The following KCND2 variants were observed in gnomAD, a reference collection of about 807,000 sequenced individuals.
KCND2 encodes A-type voltage-gated potassium channel KCND2.
Under a neutral mutation model 54.4 loss-of-function variants are expected in KCND2, and 16 were observed. The observed-to-expected ratio is 0.29, with a 90% CI of 0.20 to 0.45. The LOEUF is 0.45. Ranked by LOEUF, KCND2 falls within the 20% of genes least tolerant of loss-of-function variation. The pLI is 1.00. For missense variants in KCND2, 486 were observed against 824.2 expected, an observed-to-expected ratio of 0.59 and a Z score of 5.02; for synonymous variants, 317 against 310.7, an observed-to-expected ratio of 1.02 and a Z score of -0.21.
intron 1 of KCND2, among the ~76,000 whole-genome samples, chr7:120,427,240 A>C (rs1801720872): frequency 6.6e-6 from 1 of 152,168 alleles, no homozygotes; most frequent in Admixed American, 6.5e-5. Flanking sequence ...ACACAAAAGG[A>C]CACCAAATTC....
At chr7:120,386,621 T>C (rs1563029294) in intron 1 of KCND2, among the ~76,000 whole-genome samples, 1 of 152,172 alleles carries the variant, frequency 6.6e-6, no homozygotes, top group Non-Finnish European at 1.5e-5. Flanking sequence ...CAGAAATATT[T>C]GTGAGATCCA....
intron 1 of KCND2, among the ~76,000 whole-genome samples, chr7:120,428,553 T>A (rs1252038238): frequency 1.3e-5 from 2 of 152,176 alleles, no homozygotes; most frequent in African/African-American, 4.8e-5. Context: ...TTGATGTAGA[T>A]GTGGCAAGTG....
chr7:120,596,577 C>T (rs1792748346), intron 1 of KCND2, among the ~76,000 whole-genome samples: 1 of 152,106 alleles, frequency 6.6e-6, no homozygotes, highest in Admixed American at 6.6e-5. Context: ...ATTTTGAACT[C>T]AGTGTGTTTG....
intron 1 of KCND2, among the ~76,000 whole-genome samples, chr7:120,561,697 C>T (rs976722883): frequency 6.8e-6 from 1 of 146,958 alleles, no homozygotes; most frequent in Non-Finnish European, 1.5e-5. Flanking sequence ...CTGCATCCTT[C>T]GCCTCCCAGG....
At chr7:120,625,710 G>A (rs2116507392) in intron 1 of KCND2, among the ~76,000 whole-genome samples, 1 of 152,208 alleles carries the variant, frequency 6.6e-6, no homozygotes, top group Admixed American at 6.5e-5. Flanking sequence ...TTTGAATTGT[G>A]AAATCTGACT....
At chr7:120,331,692 TTTTAA>T (rs927008775) in intron 1 of KCND2, among the ~76,000 whole-genome samples, 17 of 152,224 alleles carry the variant, frequency 1.1e-4, no homozygotes, top group African/African-American at 3.4e-4. Flanking sequence ...ATATCTATAC[TTTTAA>T]TTTATCTTCT....
chr7:120,522,293 A>G (rs1208080979), intron 1 of KCND2, among the ~76,000 whole-genome samples: 2 of 152,174 alleles, frequency 1.3e-5, no homozygotes, highest in Non-Finnish European at 2.9e-5. Context: ...AATCAAGGTA[A>G]TCTACCCAGT....
intron 1 of KCND2, among the ~76,000 whole-genome samples, chr7:120,588,802 T>C (rs1792633611): frequency 6.6e-6 from 1 of 152,182 alleles, no homozygotes; most frequent in South Asian, 2.1e-4. Context: ...CATTGCCTAA[T>C]GTATATTTTT....
chr7:120,320,944 A>C (rs972853685), intron 1 of KCND2, among the ~76,000 whole-genome samples: 9 of 152,300 alleles, frequency 5.9e-5, no homozygotes, highest in African/African-American at 1.7e-4. Flanking sequence ...GAAATAGCTT[A>C]TGAATGAGTG....
At chr7:120,492,877 T>C (rs1802803663) in intron 1 of KCND2, among the ~76,000 whole-genome samples, 1 of 152,108 alleles carries the variant, frequency 6.6e-6, no homozygotes, top group Admixed American at 6.6e-5. Flanking sequence ...TTTAATTTAT[T>C]GAATACTGTT....
chr7:120,558,992 A>AATGTGTGT (rs200969540), intron 1 of KCND2, among the ~76,000 whole-genome samples: 1 of 81,800 alleles, frequency 1.2e-5, no homozygotes, highest in Non-Finnish European at 3.2e-5. Context: ...TTCACAAAGT[A>AATGTGTGT]CTGTGTGTGT....
intron 2 of KCND2, among the ~76,000 whole-genome samples, chr7:120,739,371 C>G (rs1016218410): frequency 1.3e-5 from 2 of 151,892 alleles, no homozygotes; most frequent in Non-Finnish European, 2.9e-5. Flanking sequence ...AATTATTAAG[C>G]TAATTCTGAG....
At chr7:120,417,087 T>C (rs1340896950) in intron 1 of KCND2, among the ~76,000 whole-genome samples, 3 of 152,204 alleles carry the variant, frequency 2.0e-5, no homozygotes, top group African/African-American at 7.2e-5. Context: ...CCTCAAGTGA[T>C]CCACCTGCCT....
intron 1 of KCND2, among the ~76,000 whole-genome samples, chr7:120,590,757 C>G (rs1792660658): frequency 6.6e-6 from 1 of 152,108 alleles, no homozygotes; most frequent in Non-Finnish European, 1.5e-5. Flanking sequence ...TATAGCTGTA[C>G]TGGCTTGTTC....
intron 1 of KCND2, among the ~76,000 whole-genome samples, chr7:120,621,007 G>A (rs1793090682): frequency 6.6e-6 from 1 of 152,054 alleles, no homozygotes; most frequent in Non-Finnish European, 1.5e-5. Flanking sequence ...GGGCATGGTG[G>A]CTCACACTTG....
intron 1 of KCND2, among the ~76,000 whole-genome samples, chr7:120,501,005 G>A (rs1319546293): frequency 6.6e-6 from 1 of 151,722 alleles, no homozygotes; most frequent in Non-Finnish European, 1.5e-5. Context: ...AAAATACAAT[G>A]TCTACTCTAA....
At chr7:120,724,644 C>T (rs934591801) in intron 1 of KCND2, among the ~76,000 whole-genome samples, 3 of 152,076 alleles carry the variant, frequency 2.0e-5, no homozygotes, top group African/African-American at 7.2e-5. Flanking sequence ...GGCTTTTATG[C>T]AGGAGAATGA....
chr7:120,746,131 T>C, intron 5 of KCND2, 104 bp downstream of exon 5: 1 of 1,357,484 alleles, frequency 7.4e-7, no homozygotes, highest in Non-Finnish European at 1.0e-6. Context: ...CCCTAGCTCC[T>C]ATGGTTCAGG....
In KCND2 at chr7:120,748,145, T is replaced by C. The variant is rs1793028831; in HGVS notation, c.*287T>C. On this transcript the variant is annotated 3_prime_UTR_variant, in exon 6 of 6. Coordinates refer to ENST00000331113, the MANE Select transcript of KCND2 (RefSeq NM_012281.3). Reference sequence around the variant, plus strand: ...GCTTCTTATGATCAGAACTCTTTTTTAATAAAATAAATAACATAAATCGTT... The same window carrying C: ...GCTTCTTATGATCAGAACTCTTTTTCAATAAAATAAATAACATAAATCGTT... 1 of 224,428 alleles carries C rather than the reference T, an allele frequency of 4.5e-6. No homozygotes were observed. Among genetic ancestry groups the C allele is most frequent in the African/African-American group, 2.3e-5 (1 of 43,766 alleles). The allele number at this position is 224,428 out of a possible 1,614,324, so 13.9% of individuals were successfully genotyped here.
Sources: gnomAD v4.1 joint callset for allele counts (sites outside exome capture counted in the v4.1 genomes callset) on GRCh38, gnomAD v4.1.1 for gene constraint, MANE v1.5 for transcripts, NCBI Gene and HGNC (gene_info 2026-07-23, HGNC 2026-07-21) for gene names.